Variants in IL1RAPL1 observed in about 807,000 individuals in gnomAD.
IL1RAPL1 encodes the protein interleukin-1 receptor accessory protein-like 1.
IL1RAPL1 carries 3 observed loss-of-function variants against 48.4 expected under a neutral mutation model. That is an observed-to-expected ratio of 0.06 (90% CI 0.03 to 0.16). The LOEUF (loss-of-function observed/expected upper bound fraction) is 0.16, where lower values mean the gene tolerates loss of function less well. Among genes scored for constraint, IL1RAPL1 ranks in the 10% least tolerant of loss-of-function variants. The probability of loss-of-function intolerance (pLI) is 1.00; values close to 1 mark genes in which losing one functional copy is unlikely to be tolerated. For missense variants in IL1RAPL1, 349 were observed against 530.6 expected (o/e 0.66, Z 3.36); for synonymous variants, 185 against 187.7 (o/e 0.99, Z 0.12).
At chrX:28,828,812 T>G (rs1192866896) in intron 2 of IL1RAPL1, among the ~76,000 whole-genome samples, 1 of 111,736 alleles carries the variant, frequency 8.9e-6, no homozygotes, top group Non-Finnish European at 1.9e-5. Context: ...GTTTTCAAGA[T>G]TGTTTTTGCT....
At chrX:29,021,077 A>C (rs1400191205) in intron 2 of IL1RAPL1, among the ~76,000 whole-genome samples, 2 of 109,811 alleles carry the variant, frequency 1.8e-5, no homozygotes, top group Admixed American at 9.7e-5. Context: ...TGCAAAAATT[A>C]GCTGGGCGTG....
At chrX:29,910,529 G>A (rs1932746778) in intron 6 of IL1RAPL1, among the ~76,000 whole-genome samples, 2 of 111,185 alleles carry the variant, frequency 1.8e-5, no homozygotes, top group Admixed American at 2.0e-4. Flanking sequence ...AATAAAGCAA[G>A]CCTACAATAA....
rs531176055 is a variant in IL1RAPL1 at position 28,611,994 on chromosome X, G to T, written c.-25+23947G>T. Among the ~76,000 whole-genome samples, 14 of 112,018 alleles carry T rather than the reference G, an allele frequency of 1.2e-4. No homozygotes were observed. In the South Asian group the frequency reaches 4.5e-3, roughly 36 times the overall value. ...AACACAGCCATGGCCATTCATTTAG[G>T]TATTATCTATGGCTGCCTTCATGCT... On this transcript the variant is annotated intron_variant, in intron 1 of 10. Coordinates refer to ENST00000378993, the MANE Select transcript of IL1RAPL1 (RefSeq NM_014271.4).
At chrX:28,917,175 T>C (rs1923508022) in intron 2 of IL1RAPL1, among the ~76,000 whole-genome samples, 1 of 112,055 alleles carries the variant, frequency 8.9e-6, no homozygotes, top group African/African-American at 3.2e-5. Context: ...GATGGATTAT[T>C]AGTGACATGT....
chrX:29,024,056 A>G (rs766673614), intron 2 of IL1RAPL1, among the ~76,000 whole-genome samples: 19 of 111,891 alleles, frequency 1.7e-4, no homozygotes, highest in Non-Finnish European at 2.8e-4. Context: ...CATTTCATGT[A>G]ATTTATCAAA....
At chrX:29,697,476 G>A (rs995821382) in intron 6 of IL1RAPL1, among the ~76,000 whole-genome samples, 1 of 111,968 alleles carries the variant, frequency 8.9e-6, no homozygotes, top group Non-Finnish European at 1.9e-5. Flanking sequence ...ACTGAATTCT[G>A]TGGGCAAAAT....
chrX:29,954,235 CAAAAAAAAAAA>C (rs34345826), intron 9 of IL1RAPL1, among the ~76,000 whole-genome samples: 3 of 30,421 alleles, frequency 9.9e-5, no homozygotes, highest in African/African-American at 3.0e-4. Flanking sequence ...GACTGTGTCC[CAAAAAAAAAAA>C]AAAAAAAAAA....
At chrX:28,716,208 G>A (rs1331020966) in intron 1 of IL1RAPL1, among the ~76,000 whole-genome samples, 1 of 112,065 alleles carries the variant, frequency 8.9e-6, no homozygotes, top group Admixed American at 9.5e-5. Context: ...AGCCATGTGT[G>A]GCAAACCCAC....
rs755728310 is a variant in IL1RAPL1, at chrX:29,830,778, T to A, written c.779-86686T>A. Among the ~76,000 whole-genome samples, 3 of 111,239 alleles carry A rather than the reference T, an allele frequency of 2.7e-5. No individual in the cohort carries two copies. The East Asian group carries it at 8.5e-4, about 31-fold the overall frequency. ...TCTCAGACTCTTTAAAAAAGATAGC[T>A]GAATGGGACTGAACCAACCAGTGCA... On this transcript the variant is annotated intron_variant, in intron 6 of 10. Transcript: ENST00000378993.
intron 3 of IL1RAPL1, among the ~76,000 whole-genome samples, chrX:29,334,583 T>C (rs1210593036): frequency 4.0e-5 from 4 of 98,843 alleles, no homozygotes; most frequent in African/African-American, 7.8e-5. Context: ...GGCAGAGGGT[T>C]TCCTCACTTC....
intron 9 of IL1RAPL1, among the ~76,000 whole-genome samples, chrX:29,950,434 G>A (rs938507736): frequency 8.9e-6 from 1 of 111,734 alleles, no homozygotes; most frequent in African/African-American, 3.3e-5. Flanking sequence ...GTTGTTTGGT[G>A]TCATTGAGAC....
intron 2 of IL1RAPL1, among the ~76,000 whole-genome samples, chrX:29,028,291 TG>T (rs1299076754): frequency 6.7e-5 from 7 of 104,478 alleles, no homozygotes; most frequent in Admixed American, 4.2e-4. Context: ...TTTTTTTGTT[TG>T]TTTTTTTTTT....
chrX:28,906,196 C>A (rs192366271), intron 2 of IL1RAPL1, among the ~76,000 whole-genome samples: 187 of 112,571 alleles, frequency 1.7e-3, no homozygotes, highest in African/African-American at 5.7e-3. Flanking sequence ...AGGAAACCAC[C>A]CCCGTGATCT....
At chrX:29,643,484 G>A (rs754709658) in intron 5 of IL1RAPL1, among the ~76,000 whole-genome samples, 20 of 112,053 alleles carry the variant, frequency 1.8e-4, no homozygotes, top group African/African-American at 6.2e-4. Flanking sequence ...TCTGGAGTCT[G>A]TACATCTGTA....
chrX:29,373,380 C>T (rs182469624), intron 3 of IL1RAPL1, among the ~76,000 whole-genome samples: 2 of 111,853 alleles, frequency 1.8e-5, no homozygotes, highest in East Asian at 5.6e-4. Flanking sequence ...AGTTTGAATT[C>T]TTATTTTCCT....
At chrX:29,085,077 G>C (rs1927924928) in intron 2 of IL1RAPL1, among the ~76,000 whole-genome samples, 1 of 111,854 alleles carries the variant, frequency 8.9e-6, no homozygotes, top group Non-Finnish European at 1.9e-5. Context: ...GCACTGAGAA[G>C]GTTAACTTTA....
At chrX:29,917,389 T>C in intron 6 of IL1RAPL1, 75 bp from the exon 7 acceptor site, 1 of 916,421 alleles carries the variant, frequency 1.1e-6, no homozygotes, top group East Asian at 3.1e-5. Context: ...GTGATCAAAA[T>C]GTTACCTGTC....
chrX:28,905,698 T>C (rs1923199920), intron 2 of IL1RAPL1, among the ~76,000 whole-genome samples: 1 of 112,310 alleles, frequency 8.9e-6, no homozygotes, highest in African/African-American at 3.2e-5. Context: ...AACAATTTAT[T>C]TCATATGTAA....
chrX:29,736,583 G>A lies in IL1RAPL1; in HGVS notation c.778+68079G>A, dbSNP rs985987135. Among the ~76,000 whole-genome samples the A allele has an allele frequency of 3.6e-5, 4 of 111,400 alleles. No individual in the cohort carries two copies. In the East Asian group the frequency reaches 8.5e-4, roughly 24 times the overall value. On this transcript the variant is annotated intron_variant, in intron 6 of 10. Coordinates refer to ENST00000378993, the MANE Select transcript of IL1RAPL1 (RefSeq NM_014271.4). The stretch of plus-strand genomic sequence containing the variant: ...TCTACTAAGAATACAAAAATTAGCC[G>A]GGCGTTGTGGTGCATGCCTGTAGTC...
Sources: gnomAD v4.1 joint callset for allele counts (sites outside exome capture counted in the v4.1 genomes callset) on GRCh38, gnomAD v4.1.1 for gene constraint, MANE v1.5 for transcripts, NCBI Gene and HGNC (gene_info 2026-07-23, HGNC 2026-07-21) for gene names.